The following CPAMD8 variants were observed in gnomAD, a reference collection of about 807,000 sequenced individuals.
The protein encoded by CPAMD8 is C3 and PZP-like alpha-2-macroglobulin domain-containing protein 8.
A neutral mutation model predicts 224.7 loss-of-function variants in CPAMD8; 146 were observed. The ratio of observed to expected loss-of-function variants is 0.65; its 90% CI spans 0.57 to 0.75. The LOEUF (loss-of-function observed/expected upper bound fraction) is 0.75, where lower values mean the gene tolerates loss of function less well. Ranked by LOEUF, CPAMD8 falls within the 30% of genes least tolerant of loss-of-function variation. The pLI is 0.00. For synonymous variants in CPAMD8, 966 were observed against 1,044.6 expected (o/e 0.92, Z 1.45); for missense variants, 2,301 against 2,537.5 (o/e 0.91, Z 2.00).
At chr19:16,991,426 C>T (rs1568572080) in intron 12 of CPAMD8, among the ~76,000 whole-genome samples, 1 of 152,092 alleles carries the variant, frequency 6.6e-6, no homozygotes, top group Admixed American at 6.6e-5. Flanking sequence ...TGCCTACCAC[C>T]TGTGAAGTGT....
Position 16,898,070 on chromosome 19 carries a change from T to A in CPAMD8, c.4849-76A>T. 1 of 994,958 alleles carries A rather than the reference T, an allele frequency of 1.0e-6. No homozygotes were observed. The highest frequency in any genetic ancestry group is 1.5e-6 in the Non-Finnish European group (1 of 667,880). The allele number at this position is 994,958 out of a possible 1,614,324, so 61.6% of individuals were successfully genotyped here. A position where few individuals can be genotyped will look rare whatever the true frequency, so the allele number is the denominator to read the frequency against. On this transcript the variant is annotated intron_variant, in intron 37 of 41. Coordinates refer to ENST00000443236, the MANE Select transcript of CPAMD8 (RefSeq NM_015692.5). The surrounding 1 kb of genome is among the most constrained non-coding windows in gnomAD (Gnocchi z 4.2). ...CGCTGAGCTCAGGCCCAGAACTGGC[T>A]GATTTCAGGGATACCCAGGACGCGT...
Position 16,893,221 on chromosome 19 carries a change from C to A in CPAMD8, c.5545G>T (p.Val1849Leu), listed in dbSNP as rs186748601. The A allele has an allele frequency of 4.2e-5, 66 of 1,589,418 alleles. No homozygotes were observed. In the Admixed American group the frequency reaches 7.5e-4, roughly 18 times the overall value. The change falls in exon 42 of 42, where the codon GTG (valine) becomes TTG (leucine). Residue 1849 changes from valine to leucine, a missense_variant. Physicochemically the swap from Val to Leu is conservative, Grantham distance 32. Around this residue, in one of 4 missense-constraint regions of CPAMD8, gnomAD observed 1,709 missense variants for 1,753.2 expected, o/e 0.97. Coordinates refer to ENST00000443236, the MANE Select transcript of CPAMD8 (RefSeq NM_015692.5). The part of the protein sequence containing the change: ...TPAPQRHSGR[V>L]VGAHRPGLLS... ...AGCCCTGGCCTGTGGGCCCCCACCACCCGGCCACTATGTCTCTGAGGGGCC... is the reference window on the plus strand; with the variant it reads ...AGCCCTGGCCTGTGGGCCCCCACCAACCGGCCACTATGTCTCTGAGGGGCC...
At chr19:17,018,717 T>TACACACACACACACACACAC in intron 3 of CPAMD8, among the ~76,000 whole-genome samples, 1 of 136,828 alleles carries the variant, frequency 7.3e-6, no homozygotes, top group South Asian at 2.5e-4. Flanking sequence ...CTACTAAAAA[T>TACACACACACACACACACAC]ACACACACAC....
Position 16,983,997 on chromosome 19 carries a change from G to A in CPAMD8, c.1396-3311C>T, listed in dbSNP as rs766021276. On this transcript the variant is annotated intron_variant, in intron 13 of 41. Transcript: ENST00000443236. The stretch of plus-strand genomic sequence containing the variant: ...CAAGACAGTGTAGTACCAGCATAAG[G>A]AGAGACATAGAAACCAGTGGGATAG... 2.6e-5 allele frequency among the ~76,000 whole-genome samples: 4 copies of A among 152,120 alleles called. No individual in the cohort carries two copies. In the South Asian group the frequency reaches 8.3e-4, roughly 32 times the overall value.
At chr19:16,913,107 GGT>G (rs536986971) in intron 29 of CPAMD8, among the ~76,000 whole-genome samples, 57 of 152,254 alleles carry the variant, frequency 3.7e-4, no homozygotes, top group African/African-American at 1.3e-3. Flanking sequence ...CAGCATCCTG[GGT>G]GCTGTCCATT....
intron 20 of CPAMD8, among the ~76,000 whole-genome samples, chr19:16,947,813 G>C (rs2054156423): frequency 6.6e-6 from 1 of 152,146 alleles, no homozygotes; most frequent in East Asian, 1.9e-4. Context: ...CCGGGTGAAG[G>C]CATGTGGATA....
intron 20 of CPAMD8, among the ~76,000 whole-genome samples, chr19:16,951,237 A>T (rs887770596): frequency 1.3e-5 from 2 of 152,086 alleles, no homozygotes; most frequent in African/African-American, 4.8e-5. Flanking sequence ...TCTGTTCACC[A>T]CCAGGATTTC....
At chr19:16,967,620 C>T (rs1337597281) in intron 18 of CPAMD8, among the ~76,000 whole-genome samples, 1 of 151,922 alleles carries the variant, frequency 6.6e-6, no homozygotes, top group Non-Finnish European at 1.5e-5. Flanking sequence ...TCCTGGCTAA[C>T]ATGGTGAAAC....
At position 16,899,022 on chromosome 19, in the gene CPAMD8, A is replaced by T. The variant is rs1046888809; in HGVS notation, c.4848+453T>A. 6.6e-6 allele frequency among the ~76,000 whole-genome samples: 1 copy of T among 151,946 alleles called. No homozygotes were observed. Among genetic ancestry groups the T allele is most frequent in the Non-Finnish European group, 1.5e-5 (1 of 67,968 alleles). On this transcript the variant is annotated intron_variant, in intron 37 of 41. Coordinates refer to ENST00000443236, the MANE Select transcript of CPAMD8 (RefSeq NM_015692.5). This position sits in a 1 kb window ranked among gnomAD's most constrained non-coding sequence, Gnocchi z 5.4. The stretch of plus-strand genomic sequence containing the variant: ...CACAACCTCCGCCTCCCAGGTTCAA[A>T]CGACTCTCCTGCCTCAGCCTCCCAA...
At chr19:16,980,420 T>G in intron 14 of CPAMD8, 77 bp downstream of exon 14, 1 of 1,437,056 alleles carries the variant, frequency 7.0e-7, no homozygotes, top group Non-Finnish European at 9.6e-7. Flanking sequence ...GCCTTGTCCC[T>G]CCTTGCAGGA....
At chr19:16,951,062 C>A (rs2054283502) in intron 20 of CPAMD8, among the ~76,000 whole-genome samples, 2 of 152,118 alleles carry the variant, frequency 1.3e-5, no homozygotes, top group Admixed American at 1.3e-4. Context: ...ACTGGAACCC[C>A]AATAATATCA....
intron 30 of CPAMD8, among the ~76,000 whole-genome samples, chr19:16,906,595 G>A (rs1568460178): frequency 6.6e-6 from 1 of 151,594 alleles, no homozygotes; most frequent in Non-Finnish European, 1.5e-5. Flanking sequence ...GGAGAGACGG[G>A]GTTTCACCAT....
intron 7 of CPAMD8, among the ~76,000 whole-genome samples, chr19:17,005,533 C>T (rs2056465125): frequency 6.6e-6 from 1 of 152,098 alleles, no homozygotes; most frequent in Non-Finnish European, 1.5e-5. Flanking sequence ...CCTCTGAGCC[C>T]CGTCCGCAGC....
chr19:16,899,412 C>A lies in CPAMD8; in HGVS notation c.4848+63G>T. On this transcript the variant is annotated intron_variant, in intron 37 of 41. Coordinates refer to ENST00000443236, the MANE Select transcript of CPAMD8 (RefSeq NM_015692.5). The surrounding 1 kb of genome is among the most constrained non-coding windows in gnomAD (Gnocchi z 5.4). Reference sequence around the variant, plus strand: ...GCAGGGAGCCACACCAGGCAGTGACCGGTGCACCCTCACCAACATGCACAC... The same window carrying A: ...GCAGGGAGCCACACCAGGCAGTGACAGGTGCACCCTCACCAACATGCACAC... The A allele has an allele frequency of 1.2e-6, 1 of 800,240 alleles. No individual in the cohort carries two copies. Among genetic ancestry groups the A allele is most frequent in the Non-Finnish European group, 2.3e-6 (1 of 440,640 alleles). 49.6% of individuals were successfully genotyped at this position (800,240 alleles called of 1,614,324 possible). A position where few individuals can be genotyped will look rare whatever the true frequency, so the allele number is the denominator to read the frequency against.
rs1197978012 is a variant in CPAMD8 at position 16,904,458 on chromosome 19, G to A, written c.4114+8C>T. ...AGGCAGGCACCCGGGAGCTGGGGTG[G>A]CCAGTACCTGACTGAGAGACCCTGT... On this transcript the variant is annotated splice_region_variant and intron_variant, in intron 31 of 41. Transcript: ENST00000443236. 8 of 1,613,596 alleles carry A rather than the reference G, an allele frequency of 5.0e-6. No individual in the cohort carries two copies. Among genetic ancestry groups the A allele is most frequent in the Non-Finnish European group, 5.9e-6 (7 of 1,179,636 alleles).
intron 3 of CPAMD8, among the ~76,000 whole-genome samples, chr19:17,014,230 T>A (rs1055237852): frequency 6.6e-6 from 1 of 152,176 alleles, no homozygotes; most frequent in Non-Finnish European, 1.5e-5. Context: ...TTATTTTATT[T>A]TATTTTTTGG....
At position 16,899,078 on chromosome 19, in the gene CPAMD8, A is replaced by G. The variant is rs1408068111; in HGVS notation, c.4848+397T>C. Among the ~76,000 whole-genome samples the G allele has an allele frequency of 6.6e-6, 1 of 151,854 alleles. No homozygotes were observed. The highest frequency in any genetic ancestry group is 1.5e-5 in the Non-Finnish European group (1 of 67,966). On this transcript the variant is annotated intron_variant, in intron 37 of 41. Coordinates refer to ENST00000443236, the MANE Select transcript of CPAMD8 (RefSeq NM_015692.5). This position sits in a 1 kb window ranked among gnomAD's most constrained non-coding sequence, Gnocchi z 5.4. ...TGGGATTACAGTAGCGTGCCATCAC[A>G]CCTGGCTAATTTTTGTGTTTTTTGT... is the stretch of plus-strand genomic sequence containing the variant.
At chr19:17,016,874 G>C (rs1395321109) in intron 3 of CPAMD8, among the ~76,000 whole-genome samples, 4 of 151,952 alleles carry the variant, frequency 2.6e-5, no homozygotes, top group Non-Finnish European at 5.9e-5. Context: ...AGCCAGGAAA[G>C]GGAGTTCTAG....
At chr19:16,995,280 C>G (rs1185446756) in intron 11 of CPAMD8, among the ~76,000 whole-genome samples, 1 of 152,244 alleles carries the variant, frequency 6.6e-6, no homozygotes, top group African/African-American at 2.4e-5. Context: ...TGGGTGCAGA[C>G]AGATGCAGGG....
Sources: allele counts gnomAD v4.1 joint callset (sites outside exome capture counted in the v4.1 genomes callset), GRCh38; gene constraint gnomAD v4.1.1; regional missense constraint gnomAD v4.1.1; non-coding constraint Gnocchi (gnomAD v3.1); transcripts MANE v1.5; gene names NCBI Gene and HGNC (gene_info 2026-07-23, HGNC 2026-07-21).